Variants in FUT8 observed in about 807,000 individuals in gnomAD.
FUT8 encodes the protein alpha-(1,6)-fucosyltransferase.
A neutral mutation model predicts 71.3 loss-of-function variants in FUT8; 29 were observed. The ratio of observed to expected loss-of-function variants is 0.41; its 90% CI spans 0.30 to 0.55. The LOEUF (loss-of-function observed/expected upper bound fraction) is 0.55, where lower values mean the gene tolerates loss of function less well. Among genes scored for constraint, FUT8 ranks in the 20% least tolerant of loss-of-function variants. The pLI, the probability that FUT8 is intolerant of heterozygous loss-of-function variation, is 0.34. For missense variants in FUT8, 544 were observed against 702.1 expected (o/e 0.77, Z 2.55); for synonymous variants, 254 against 239.3 (o/e 1.06, Z -0.57).
the FUT8 span, among the ~76,000 whole-genome samples, chr14:65,391,004 G>T: frequency 6.6e-6 from 1 of 152,092 alleles, no homozygotes; most frequent in Admixed American, 6.5e-5. Flanking sequence ...GGGGTTACAG[G>T]CATGAGCCAC....
At chr14:65,524,332 G>A (rs1566801216) in intron 2 of FUT8, among the ~76,000 whole-genome samples, 1 of 152,070 alleles carries the variant, frequency 6.6e-6, no homozygotes, top group Non-Finnish European at 1.5e-5. Flanking sequence ...TCTCTTTGTA[G>A]CAATTGTGAA....
At chr14:65,433,355 C>A (rs1191134054) in intron 1 of FUT8, among the ~76,000 whole-genome samples, 1 of 152,154 alleles carries the variant, frequency 6.6e-6, no homozygotes, top group Admixed American at 6.6e-5. Context: ...AGCTTAGCAT[C>A]AAAAACAAGT....
chr14:65,604,074 C>T (rs769216875), intron 3 of FUT8, among the ~76,000 whole-genome samples: 8 of 151,664 alleles, frequency 5.3e-5, no homozygotes, highest in Non-Finnish European at 1.0e-4. Flanking sequence ...TAAACATATA[C>T]ACACCTAACA....
At chr14:65,376,090 C>CAA in the FUT8 span, among the ~76,000 whole-genome samples, 1 of 116,776 alleles carries the variant, frequency 8.6e-6, no homozygotes, top group African/African-American at 3.1e-5. Flanking sequence ...GACCCTGTCT[C>CAA]AAAAAAAAAA....
chr14:65,368,855 A>C, the FUT8 span, among the ~76,000 whole-genome samples: 4 of 151,740 alleles, frequency 2.6e-5, no homozygotes, highest in African/African-American at 9.7e-5. Context: ...ACGGGGTTTC[A>C]CCATGTTGGC....
intron 3 of FUT8, among the ~76,000 whole-genome samples, chr14:65,584,178 C>A (rs1440852581): frequency 1.1e-5 from 1 of 94,444 alleles, no homozygotes; most frequent in African/African-American, 3.4e-5. Context: ...CCACGCCCAG[C>A]CTTTTTTTTT....
chr14:65,493,799 C>CT (rs1034004234), intron 2 of FUT8, among the ~76,000 whole-genome samples: 16 of 148,252 alleles, frequency 1.1e-4, no homozygotes, highest in East Asian at 3.9e-4. Flanking sequence ...AAATTTTCTC[C>CT]TTTTTTTTTT....
intron 2 of FUT8, among the ~76,000 whole-genome samples, chr14:65,532,767 GTTTTGGGTTTTAAGT>G (rs1385085925): frequency 6.6e-6 from 1 of 152,102 alleles, no homozygotes; most frequent in Non-Finnish European, 1.5e-5. Context: ...CTTTTTCATA[GTTTTGGGTTTTAAGT>G]CTTTAATCCG....
chr14:65,720,350 G>A (rs897028231), intron 7 of FUT8, among the ~76,000 whole-genome samples: 5 of 149,690 alleles, frequency 3.3e-5, no homozygotes, highest in Admixed American at 2.0e-4. Flanking sequence ...CCTGGGACTT[G>A]CCCTTCAGGG....
At chr14:65,504,331 G>T (rs2066692166) in intron 2 of FUT8, among the ~76,000 whole-genome samples, 1 of 152,106 alleles carries the variant, frequency 6.6e-6, no homozygotes, top group Non-Finnish European at 1.5e-5. Flanking sequence ...CAAATGTAGG[G>T]ATATATATCT....
intron 2 of FUT8, among the ~76,000 whole-genome samples, chr14:65,481,061 T>G (rs2066323444): frequency 6.6e-6 from 1 of 152,146 alleles, no homozygotes; most frequent in South Asian, 2.1e-4. Context: ...ATTTTACATT[T>G]CCATCAGCAC....
intron 6 of FUT8, among the ~76,000 whole-genome samples, chr14:65,667,185 A>G (rs1166960166): frequency 6.6e-6 from 1 of 152,120 alleles, no homozygotes; most frequent in Non-Finnish European, 1.5e-5. Flanking sequence ...CAGGCAGGCA[A>G]GAGAAAAAAA....
At chr14:65,361,445 G>A in the FUT8 span, among the ~76,000 whole-genome samples, 2 of 150,840 alleles carry the variant, frequency 1.3e-5, no homozygotes, top group Non-Finnish European at 1.5e-5. Flanking sequence ...ATTGTCCTAA[G>A]TAAGGGCACT....
At chr14:65,562,487 A>G (rs999712920) in intron 3 of FUT8, among the ~76,000 whole-genome samples, 2 of 152,140 alleles carry the variant, frequency 1.3e-5, no homozygotes, top group East Asian at 3.8e-4. Flanking sequence ...TTTGAAAACC[A>G]AAGTCTCCTA....
At chr14:65,741,349 G>T (rs1460682243) in intron 10 of FUT8, among the ~76,000 whole-genome samples, 5 of 151,956 alleles carry the variant, frequency 3.3e-5, no homozygotes, top group Non-Finnish European at 7.4e-5. Context: ...AACAGAAATT[G>T]CCGATGTGTT....
chr14:65,537,180 A>T (rs1448864363), intron 2 of FUT8, among the ~76,000 whole-genome samples: 1 of 151,468 alleles, frequency 6.6e-6, no homozygotes, highest in Non-Finnish European at 1.5e-5. Context: ...TAGCTTGCTT[A>T]GATTGGCTTT....
At chr14:65,556,504 A>C (rs1885594430) in intron 2 of FUT8, among the ~76,000 whole-genome samples, 1 of 152,168 alleles carries the variant, frequency 6.6e-6, no homozygotes, top group Admixed American at 6.6e-5. Context: ...AGCTTGTATC[A>C]TCAGAATAAG....
At chr14:65,555,149 A>G (rs893040127) in intron 2 of FUT8, among the ~76,000 whole-genome samples, 1 of 152,204 alleles carries the variant, frequency 6.6e-6, no homozygotes, top group Non-Finnish European at 1.5e-5. Flanking sequence ...ATTAAGAAGT[A>G]TATGTGACAG....
chr14:65,511,685 C>G (rs927405291), intron 2 of FUT8, among the ~76,000 whole-genome samples: 1 of 152,134 alleles, frequency 6.6e-6, no homozygotes, highest in African/African-American at 2.4e-5. Context: ...GTCTTGAAAT[C>G]TATTTTGTCT....
Sources: gnomAD v4.1 joint callset for allele counts (sites outside exome capture counted in the v4.1 genomes callset) on GRCh38, gnomAD v4.1.1 for gene constraint, MANE v1.5 for transcripts, NCBI Gene and HGNC (gene_info 2026-07-23, HGNC 2026-07-21) for gene names.